MAF: variants seen among roughly 807,000 people sequenced by gnomAD.
The protein encoded by MAF is transcription factor Maf.
MAF carries 10 observed loss-of-function variants against 22.0 expected under a neutral mutation model. The observed-to-expected ratio is 0.45, with a 90% CI of 0.28 to 0.77. MAF has a LOEUF of 0.77. MAF is among the 30% of genes least tolerant of loss of function. The pLI, the probability that MAF is intolerant of heterozygous loss-of-function variation, is 0.12. For missense variants in MAF, 544 were observed against 548.4 expected, an observed-to-expected ratio of 0.99 and a Z score of 0.08; for synonymous variants, 337 against 255.8, an observed-to-expected ratio of 1.32 and a Z score of -3.03.
At chr16:79,398,995 G>A in the MAF span, among the ~76,000 whole-genome samples, 7 of 152,130 alleles carry the variant, frequency 4.6e-5, no homozygotes, top group East Asian at 5.8e-4. Flanking sequence ...CCAAAGGGCC[G>A]GGAGAGATTA....
chr16:79,482,413 T>A, the MAF span, among the ~76,000 whole-genome samples: 3 of 152,300 alleles, frequency 2.0e-5, no homozygotes, highest in African/African-American at 7.2e-5. Flanking sequence ...GGAGAGATTG[T>A]CAAATCAGCG....
At chr16:79,460,957 A>G in the MAF span, among the ~76,000 whole-genome samples, 3 of 152,174 alleles carry the variant, frequency 2.0e-5, no homozygotes, top group African/African-American at 4.8e-5. Flanking sequence ...CCAAACTTGT[A>G]GTAATCTGAG....
chr16:79,283,876 G>C, the MAF span, among the ~76,000 whole-genome samples: 6 of 150,856 alleles, frequency 4.0e-5, no homozygotes, highest in African/African-American at 1.2e-4. Context: ...AGACATGCCA[G>C]TGTCTCCTGC....
the MAF span, among the ~76,000 whole-genome samples, chr16:79,559,009 G>C: frequency 6.6e-6 from 1 of 152,096 alleles, no homozygotes; most frequent in Non-Finnish European, 1.5e-5. Context: ...CCTTACCTAG[G>C]ATGTGTCTTT....
intron 1 of MAF, 186 bp downstream of exon 1, chr16:79,598,581 GGTGTGTGTGTGTGTGTGT>G: frequency 7.1e-7 from 1 of 1,409,632 alleles, no homozygotes; most frequent in Non-Finnish European, 9.3e-7. Flanking sequence ...CAGGGTGTGG[GGTGTGTGTGTGTGTGTGT>G]GTGTGTGTGT....
At chr16:79,561,865 G>T in the MAF span, among the ~76,000 whole-genome samples, 1 of 152,154 alleles carries the variant, frequency 6.6e-6, no homozygotes, top group African/African-American at 2.4e-5. Flanking sequence ...GTAACTATTT[G>T]CCTTCATTTA....
the MAF span, among the ~76,000 whole-genome samples, chr16:79,457,295 A>G: frequency 6.6e-6 from 1 of 151,982 alleles, no homozygotes; most frequent in Non-Finnish European, 1.5e-5. Flanking sequence ...AATTTGCACC[A>G]TACTTTGACA....
chr16:79,525,946 G>A, the MAF span, among the ~76,000 whole-genome samples: 2 of 152,196 alleles, frequency 1.3e-5, no homozygotes, highest in Non-Finnish European at 2.9e-5. Flanking sequence ...GATTCTTGGA[G>A]ACGTGAGGAC....
At chr16:79,554,948 C>G in the MAF span, among the ~76,000 whole-genome samples, 1 of 152,196 alleles carries the variant, frequency 6.6e-6, no homozygotes, top group African/African-American at 2.4e-5. Flanking sequence ...AGGCTGGAAT[C>G]TGGCTTCCTC....
At chr16:79,374,395 T>C in the MAF span, among the ~76,000 whole-genome samples, 10 of 152,220 alleles carry the variant, frequency 6.6e-5, no homozygotes, top group African/African-American at 2.4e-4. Flanking sequence ...GCTATTTGCT[T>C]TCTCTTCTCC....
chr16:79,579,464 G>C, the MAF span, among the ~76,000 whole-genome samples: 1 of 151,936 alleles, frequency 6.6e-6, no homozygotes, highest in African/African-American at 2.4e-5. Context: ...TTTATTTTAT[G>C]AGCAAAACCC....
the MAF span, among the ~76,000 whole-genome samples, chr16:79,576,474 G>A: frequency 4.6e-5 from 7 of 151,976 alleles, no homozygotes; most frequent in African/African-American, 9.7e-5. Context: ...AACTTTCTCT[G>A]ACCCTTAATT....
the MAF span, among the ~76,000 whole-genome samples, chr16:79,374,077 T>G: frequency 6.6e-6 from 1 of 152,162 alleles, no homozygotes; most frequent in Non-Finnish European, 1.5e-5. Flanking sequence ...CTCCTCTGCC[T>G]TGTCAGTGAA....
At chr16:79,593,176 G>A (rs1233708841), downstream of MAF, among the ~76,000 whole-genome samples, 7 of 152,202 alleles carry the variant, frequency 4.6e-5, no homozygotes, top group Admixed American at 4.6e-4. Flanking sequence ...TAGACTGGAG[G>A]AGTGTATTTC....
At chr16:79,464,528 G>A in the MAF span, among the ~76,000 whole-genome samples, 1 of 152,166 alleles carries the variant, frequency 6.6e-6, no homozygotes, top group South Asian at 2.1e-4. Context: ...ATGTCAGTAA[G>A]GAACTCAGAA....
At chr16:79,568,203 G>A in the MAF span, among the ~76,000 whole-genome samples, 1 of 152,228 alleles carries the variant, frequency 6.6e-6, no homozygotes, top group Admixed American at 6.5e-5. Flanking sequence ...CTCTGCGGCT[G>A]TAGTTCAGAT....
At chr16:79,333,318 G>A in the MAF span, among the ~76,000 whole-genome samples, 3 of 152,266 alleles carry the variant, frequency 2.0e-5, no homozygotes, top group Admixed American at 2.0e-4. Context: ...GATCAGGGGT[G>A]GGTTAATCGG....
intron 1 of MAF, chr16:79,586,053 C>A (rs1912821962): frequency 1.8e-6 from 1 of 557,302 alleles, no homozygotes; most frequent in Non-Finnish European, 3.1e-6. Flanking sequence ...GGCAGAATTA[C>A]ACCAAAAGAA....
chr16:79,512,151 T>C, the MAF span, among the ~76,000 whole-genome samples: 2 of 152,216 alleles, frequency 1.3e-5, no homozygotes, highest in African/African-American at 4.8e-5. Flanking sequence ...ATGTTTTTCT[T>C]TATCTTGAAA....
Sources: gnomAD v4.1 joint callset for allele counts (sites outside exome capture counted in the v4.1 genomes callset) on GRCh38, gnomAD v4.1.1 for gene constraint, MANE v1.5 for transcripts, NCBI Gene and HGNC (gene_info 2026-07-23, HGNC 2026-07-21) for gene names.